Variants in KIAA1958 observed in about 807,000 individuals in gnomAD.
The protein encoded by KIAA1958 is KIAA1958, also known as uncharacterized protein KIAA1958.
A neutral mutation model predicts 47.2 loss-of-function variants in KIAA1958; 14 were observed. The observed-to-expected ratio is 0.30, with a 90% CI of 0.20 to 0.46. The LOEUF (loss-of-function observed/expected upper bound fraction) is 0.46, where lower values mean the gene tolerates loss of function less well. Among genes scored for constraint, KIAA1958 ranks in the 20% least tolerant of loss-of-function variants. The pLI is 1.00. For missense variants in KIAA1958, 803 were observed against 909.2 expected, an observed-to-expected ratio of 0.88 and a Z score of 1.50; for synonymous variants, 354 against 353.3, an observed-to-expected ratio of 1.00 and a Z score of -0.02.
chr9:112,632,210 A>G (rs1836722551), intron 2 of KIAA1958, among the ~76,000 whole-genome samples: 1 of 152,104 alleles, frequency 6.6e-6, no homozygotes, highest in East Asian at 1.9e-4. Flanking sequence ...TTTTCATATA[A>G]AAATTGGAAT....
chr9:112,569,490 G>C (rs772355120), intron 1 of KIAA1958, among the ~76,000 whole-genome samples: 5 of 152,178 alleles, frequency 3.3e-5, no homozygotes, highest in African/African-American at 1.2e-4. Context: ...GGCAAATGAC[G>C]CTTTTAACTG....
chr9:112,633,456 T>G lies in KIAA1958; in HGVS notation c.1172-12194T>G, dbSNP rs374160426. 7.2e-5 allele frequency among the ~76,000 whole-genome samples: 11 copies of G among 152,280 alleles called. No individual in the cohort carries two copies. The East Asian group carries it at 7.7e-4, about 11-fold the overall frequency. On this transcript the variant is annotated intron_variant, in intron 2 of 3. Transcript: ENST00000337530. Reference sequence around the variant, plus strand: ...GTTTGCATACACATTTTTAAAGGAATTTTTAAGGATTTTTTAATGTTTTCT... The same window carrying G: ...GTTTGCATACACATTTTTAAAGGAAGTTTTAAGGATTTTTTAATGTTTTCT...
chr9:112,529,616 T>A (rs964619120), intron 1 of KIAA1958, among the ~76,000 whole-genome samples: 7 of 152,192 alleles, frequency 4.6e-5, no homozygotes, highest in African/African-American at 1.7e-4. Context: ...AACTGGGGAT[T>A]ATGTGTTCTT....
At chr9:112,587,654 G>A (rs1272570520) in intron 2 of KIAA1958, among the ~76,000 whole-genome samples, 18 of 152,026 alleles carry the variant, frequency 1.2e-4, no homozygotes, top group Admixed American at 1.2e-3. Flanking sequence ...AAATGGATAG[G>A]ATTGCTTTCT....
intron 2 of KIAA1958, among the ~76,000 whole-genome samples, chr9:112,636,396 C>G (rs966080538): frequency 1.3e-5 from 2 of 151,878 alleles, no homozygotes; most frequent in African/African-American, 4.8e-5. Flanking sequence ...TCAATTAAGT[C>G]CAGTTTGATA....
chr9:112,540,054 A>G (rs1465856153), intron 1 of KIAA1958, among the ~76,000 whole-genome samples: 1 of 152,238 alleles, frequency 6.6e-6, no homozygotes, highest in African/African-American at 2.4e-5. Flanking sequence ...AAAACAAATT[A>G]CGATTATGTT....
At chr9:112,620,853 C>T (rs900412210) in intron 2 of KIAA1958, among the ~76,000 whole-genome samples, 1 of 151,936 alleles carries the variant, frequency 6.6e-6, no homozygotes, top group African/African-American at 2.4e-5. Flanking sequence ...AATACGTACT[C>T]GTAAGTCTTC....
intron 1 of KIAA1958, among the ~76,000 whole-genome samples, chr9:112,529,842 CTT>C (rs35898777): frequency 6.7e-6 from 1 of 149,710 alleles, no homozygotes; most frequent in Non-Finnish European, 1.5e-5. Flanking sequence ...ACTCCTCTTA[CTT>C]TTTTTTTTTC....
At chr9:112,515,174 C>T (rs1254966266) in intron 1 of KIAA1958, among the ~76,000 whole-genome samples, 5 of 107,572 alleles carry the variant, frequency 4.6e-5, no homozygotes, top group African/African-American at 1.6e-4. Flanking sequence ...GTGAGGAGCC[C>T]CTCTGCCCGG....
intron 3 of KIAA1958, among the ~76,000 whole-genome samples, chr9:112,657,886 C>T (rs1332963418): frequency 6.1e-5 from 9 of 148,046 alleles, no homozygotes; most frequent in African/African-American, 1.7e-4. Flanking sequence ...GACAGAGTTT[C>T]GCTCTTGTCA....
At chr9:112,561,068 T>G (rs1263253783) in intron 1 of KIAA1958, among the ~76,000 whole-genome samples, 2 of 151,804 alleles carry the variant, frequency 1.3e-5, no homozygotes, top group African/African-American at 4.8e-5. Context: ...TTTTTTTTTT[T>G]TTTTGAGATG....
rs147664415 is a variant in KIAA1958 at position 112,508,098 on chromosome 9, G to A, written c.-25+20980G>A. On this transcript the variant is annotated intron_variant, in intron 1 of 3. Transcript: ENST00000337530. Reference sequence around the variant, plus strand: ...TTGGTGGACTATGCAAACAATCTCTGTTTTGTGTATTTACATTTTAGCATA... The same window carrying A: ...TTGGTGGACTATGCAAACAATCTCTATTTTGTGTATTTACATTTTAGCATA... Among the ~76,000 whole-genome samples the A allele has an allele frequency of 9.8e-3, 1,487 of 152,074 alleles. 16 individuals are homozygous for A. The highest frequency in any genetic ancestry group is 0.034 in the African/African-American group (1,410 of 41,512).
At chr9:112,631,179 A>C (rs1836700766) in intron 2 of KIAA1958, among the ~76,000 whole-genome samples, 1 of 152,204 alleles carries the variant, frequency 6.6e-6, no homozygotes, top group Non-Finnish European at 1.5e-5. Flanking sequence ...ATAATTTTAA[A>C]AGCAAACACT....
At chr9:112,595,321 C>A (rs921336030) in intron 2 of KIAA1958, among the ~76,000 whole-genome samples, 2 of 152,134 alleles carry the variant, frequency 1.3e-5, no homozygotes, top group Non-Finnish European at 2.9e-5. Flanking sequence ...TGATCCATTG[C>A]GGTGCCAGCA....
chr9:112,616,127 A>G (rs1004407314), intron 2 of KIAA1958, among the ~76,000 whole-genome samples: 6 of 152,266 alleles, frequency 3.9e-5, no homozygotes, highest in Non-Finnish European at 7.3e-5. Context: ...TGTGGCTTCC[A>G]TGTTTTTGAT....
At position 112,659,326 on chromosome 9, in the gene KIAA1958, G is replaced by T; in HGVS notation, c.1408G>T (p.Gly470Cys). Residue 470 changes from glycine to cysteine, a missense_variant, in exon 4 of 4, where the codon GGC becomes TGC. By Grantham distance (159) the Gly-to-Cys change is radical. Around this residue, in one of 2 missense-constraint regions of KIAA1958, gnomAD observed 761 missense variants for 829.3 expected, o/e 0.92. Coordinates refer to ENST00000337530, the MANE Select transcript of KIAA1958 (RefSeq NM_133465.4). The stretch of plus-strand genomic sequence containing the variant: ...TTATGTCACCGTCAAGAAGAGCGAC[G>T]GCTCGGACTTCCTGGCCACCTCGCT... Reference protein sequence around the residue: ...NFYVTVKKSDGSDFLATSLHA... With the variant: ...NFYVTVKKSDCSDFLATSLHA... The T allele has an allele frequency of 6.2e-7, 1 of 1,614,032 alleles. No individual in the cohort carries two copies. Among genetic ancestry groups the T allele is most frequent in the Non-Finnish European group, 8.5e-7 (1 of 1,180,026 alleles).
chr9:112,644,357 A>G (rs975316567), intron 2 of KIAA1958, among the ~76,000 whole-genome samples: 2 of 152,084 alleles, frequency 1.3e-5, no homozygotes, highest in African/African-American at 4.8e-5. Context: ...GAGGGAGGTA[A>G]AGTGAACCCA....
In KIAA1958 at chr9:112,576,768, A is replaced by C. The variant is rs188514088; in HGVS notation, c.1171+1517A>C. ...GTTGATGGACATTGGGGTTGTGTTC[A>C]TATTTTGGCTATTATGAATACTGCT... On this transcript the variant is annotated intron_variant, in intron 2 of 3. Transcript: ENST00000337530. Among the ~76,000 whole-genome samples the C allele has an allele frequency of 1.8e-4, 27 of 152,222 alleles. 1 individual carries two copies. The East Asian group carries it at 4.2e-3, about 24-fold the overall frequency.
intron 2 of KIAA1958, among the ~76,000 whole-genome samples, chr9:112,629,603 A>AT (rs1165036015): frequency 6.6e-6 from 1 of 152,064 alleles, no homozygotes; most frequent in African/African-American, 2.4e-5. Context: ...CTGCTCACTG[A>AT]TTTTTTACAC....
Sources: gnomAD v4.1 joint callset for allele counts (sites outside exome capture counted in the v4.1 genomes callset) on GRCh38, gnomAD v4.1.1 for gene constraint, gnomAD v4.1.1 regional missense constraint, MANE v1.5 for transcripts, NCBI Gene and HGNC (gene_info 2026-07-23, HGNC 2026-07-21) for gene names.